Variants in SERGEF observed in about 807,000 individuals in gnomAD.
SERGEF encodes secretion regulating guanine nucleotide exchange factor.
Under a neutral mutation model 50.0 loss-of-function variants are expected in SERGEF, and 51 were observed. The ratio of observed to expected loss-of-function variants is 1.02; its 90% confidence interval spans 0.81 to 1.29. The LOEUF is 1.29. Among genes scored for constraint, SERGEF ranks in the 50% most tolerant of loss-of-function variants. SERGEF has a pLI of 0.00. For synonymous variants in SERGEF, 205 were observed against 212.4 expected (o/e 0.97, Z 0.30); for missense variants, 521 against 557.0 (o/e 0.94, Z 0.65).
chr11:17,803,144 C>G (rs1004906043), intron 10 of SERGEF, among the ~76,000 whole-genome samples: 1 of 152,212 alleles, frequency 6.6e-6, no homozygotes, highest in Admixed American at 6.5e-5. Flanking sequence ...GTGTGCACAC[C>G]CACACATGTG....
intron 9 of SERGEF, among the ~76,000 whole-genome samples, chr11:17,891,302 A>G (rs1851528914): frequency 6.6e-6 from 1 of 152,208 alleles, no homozygotes; most frequent in Non-Finnish European, 1.5e-5. Context: ...CTTGTGAAAA[A>G]AGATCCATAC....
At chr11:17,865,573 C>G (rs1851007109) in intron 10 of SERGEF, among the ~76,000 whole-genome samples, 1 of 151,412 alleles carries the variant, frequency 6.6e-6, no homozygotes, top group Non-Finnish European at 1.5e-5. Flanking sequence ...CCGTACAGGC[C>G]TGAGCTAATG....
At chr11:17,790,584 G>A (rs1353552060) in intron 10 of SERGEF, among the ~76,000 whole-genome samples, 1 of 152,060 alleles carries the variant, frequency 6.6e-6, no homozygotes, top group Non-Finnish European at 1.5e-5. Context: ...TACTAATATG[G>A]TTGCTATTAT....
intron 9 of SERGEF, among the ~76,000 whole-genome samples, chr11:17,900,931 C>A (rs1290751089): frequency 1.3e-5 from 2 of 152,154 alleles, no homozygotes; most frequent in Non-Finnish European, 2.9e-5. Flanking sequence ...TGGTGGCAGT[C>A]GTGGTGAAGA....
At chr11:17,964,527 G>A (rs1264219718) in intron 8 of SERGEF, among the ~76,000 whole-genome samples, 1 of 152,142 alleles carries the variant, frequency 6.6e-6, no homozygotes, top group African/African-American at 2.4e-5. Context: ...TGTCCAAAAA[G>A]GGAATATAAT....
intron 10 of SERGEF, among the ~76,000 whole-genome samples, chr11:17,845,870 T>G (rs1331219346): frequency 6.6e-5 from 10 of 152,208 alleles, no homozygotes; most frequent in Admixed American, 2.6e-4. Context: ...TTTGCAGTTC[T>G]GATAGTCACC....
intron 10 of SERGEF, among the ~76,000 whole-genome samples, chr11:17,848,152 GC>G (rs1405521116): frequency 6.6e-6 from 1 of 152,150 alleles, no homozygotes; most frequent in African/African-American, 2.4e-5. Context: ...CCTAAGGAAG[GC>G]CCAGTCTATG....
At chr11:17,921,317 A>G (rs1852152200) in intron 9 of SERGEF, among the ~76,000 whole-genome samples, 2 of 152,254 alleles carry the variant, frequency 1.3e-5, no homozygotes, top group African/African-American at 4.8e-5. Context: ...CAGAAGGATG[A>G]TAATGAAAGA....
At chr11:17,980,593 T>G (rs1853477695) in intron 8 of SERGEF, among the ~76,000 whole-genome samples, 1 of 152,252 alleles carries the variant, frequency 6.6e-6, no homozygotes, top group African/African-American at 2.4e-5. Flanking sequence ...ATTCTTTTTT[T>G]CTTTCAACAA....
At chr11:17,912,495 C>T (rs1851974057) in intron 9 of SERGEF, among the ~76,000 whole-genome samples, 1 of 152,168 alleles carries the variant, frequency 6.6e-6, no homozygotes, top group Non-Finnish European at 1.5e-5. Flanking sequence ...ATAGGATCAT[C>T]TGTATCAATT....
intron 10 of SERGEF, chr11:17,846,588 C>T: frequency 2.4e-6 from 1 of 419,614 alleles, no homozygotes; most frequent in South Asian, 1.7e-5. Flanking sequence ...AAATCACCTC[C>T]AGCATGGTTT....
At chr11:17,952,739 G>A (rs1565213882) in intron 9 of SERGEF, among the ~76,000 whole-genome samples, 1 of 152,068 alleles carries the variant, frequency 6.6e-6, no homozygotes, top group Non-Finnish European at 1.5e-5. Context: ...CTCATTTGCT[G>A]TGCTCCTGCT....
chr11:17,843,713 C>T (rs1393735791), intron 10 of SERGEF, among the ~76,000 whole-genome samples: 1 of 152,154 alleles, frequency 6.6e-6, no homozygotes, highest in East Asian at 1.9e-4. Context: ...TGAGCACTAC[C>T]AGTGTGTCAG....
intron 10 of SERGEF, among the ~76,000 whole-genome samples, chr11:17,860,786 G>A (rs142221402): frequency 1.3e-5 from 2 of 152,172 alleles, no homozygotes; most frequent in Non-Finnish European, 2.9e-5. Flanking sequence ...CTGTAGAACA[G>A]GGTTATATGT....
Position 17,959,536 on chromosome 11 carries a change from A to C in SERGEF, c.945T>G (p.Phe315Leu), listed in dbSNP as rs1565215641. 6.2e-7 allele frequency: 1 copy of C among 1,614,084 alleles called. No individual in the cohort carries two copies. The highest frequency in any genetic ancestry group is 1.7e-5 in the Admixed American group (1 of 60,022). The part of the protein sequence containing the change: ...EGWKLEKQDS[F>L]LPCSRPPNSM... ...TGTTCGGTGGTCTTGAACAGGGGAG[A>C]AATGAATCTTGCTTTTCTAGTTTCC... Residue 315 changes from phenylalanine to leucine, a missense_variant, in exon 9 of 11, where the codon TTT (phenylalanine) becomes TTG (leucine). Transcript: ENST00000265965.
chr11:17,963,325 C>G (rs936776672), intron 8 of SERGEF, among the ~76,000 whole-genome samples: 5 of 143,036 alleles, frequency 3.5e-5, no homozygotes, highest in Non-Finnish European at 4.5e-5. Flanking sequence ...ATCTCACCCT[C>G]CAGACCAGGG....
intron 10 of SERGEF, among the ~76,000 whole-genome samples, chr11:17,824,764 A>G (rs187591958): frequency 2.8e-4 from 42 of 152,298 alleles, no homozygotes; most frequent in African/African-American, 9.1e-4. Flanking sequence ...ATGATATGTC[A>G]TATTAGATTA....
At chr11:17,804,732 A>G (rs1160090339) in intron 10 of SERGEF, among the ~76,000 whole-genome samples, 2 of 152,180 alleles carry the variant, frequency 1.3e-5, no homozygotes, top group East Asian at 1.9e-4. Context: ...AATGCCAACA[A>G]CTATTATTAT....
intron 10 of SERGEF, among the ~76,000 whole-genome samples, chr11:17,842,239 C>T (rs1358543889): frequency 2.0e-5 from 3 of 152,148 alleles, no homozygotes; most frequent in Non-Finnish European, 4.4e-5. Flanking sequence ...TACACCGCAG[C>T]TATTCACTGA....
Sources: gnomAD v4.1 joint callset for allele counts (sites outside exome capture counted in the v4.1 genomes callset) on GRCh38, gnomAD v4.1.1 for gene constraint, MANE v1.5 for transcripts, NCBI Gene and HGNC (gene_info 2026-07-23, HGNC 2026-07-21) for gene names.